Variants in COPG2 observed in about 807,000 individuals in gnomAD.
COPG2 encodes the protein coat protein complex I subunit gamma 2.
In COPG2, 37 loss-of-function variants were observed where a neutral mutation model predicts 46.3. The observed-to-expected ratio is 0.80, with a 90% CI of 0.61 to 1.05. The LOEUF is 1.05. Ranked by LOEUF, COPG2 falls within the 50% of genes least tolerant of loss-of-function variation. The probability of loss-of-function intolerance (pLI) is 0.00; values close to 1 mark genes in which losing one functional copy is unlikely to be tolerated. For synonymous variants in COPG2, 159 were observed against 129.7 expected, an observed-to-expected ratio of 1.23 and a Z score of -1.53; for missense variants, 427 against 387.8, an observed-to-expected ratio of 1.10 and a Z score of -0.85.
chr7:130,640,158 C>CTTTTTT (rs11431866), intron 5 of COPG2, among the ~76,000 whole-genome samples: 11 of 96,458 alleles, frequency 1.1e-4, no homozygotes, highest in East Asian at 3.6e-4. Flanking sequence ...CACCACCAAC[C>CTTTTTT]TTTTTTTTTT....
intron 8 of COPG2, among the ~76,000 whole-genome samples, chr7:130,611,522 T>A (rs1444366214): frequency 6.6e-6 from 1 of 152,184 alleles, no homozygotes; most frequent in Non-Finnish European, 1.5e-5. Flanking sequence ...AGTGTCATCA[T>A]CTTGACACTT....
At chr7:130,603,976 A>C (rs1584570776) in intron 9 of COPG2, 1 of 412,884 alleles carries the variant, frequency 2.4e-6, no homozygotes, top group East Asian at 7.2e-5. Flanking sequence ...CAATAAAGTA[A>C]GCTAGAGAAA....
chr7:130,520,217 T>C (rs1584962016), intron 20 of COPG2, among the ~76,000 whole-genome samples: 1 of 151,878 alleles, frequency 6.6e-6, no homozygotes, highest in South Asian at 2.1e-4. Flanking sequence ...TCAAAGGGAG[T>C]TACAAAAGGA....
intron 5 of COPG2, among the ~76,000 whole-genome samples, chr7:130,648,210 T>C (rs782593673): frequency 2.6e-5 from 4 of 152,136 alleles, no homozygotes; most frequent in Non-Finnish European, 5.9e-5. Flanking sequence ...TCTATAATAT[T>C]AGTTTTCTAT....
chr7:130,662,545 T>C (rs879991332), intron 4 of COPG2, among the ~76,000 whole-genome samples: 1 of 152,192 alleles, frequency 6.6e-6, no homozygotes, highest in Non-Finnish European at 1.5e-5. Context: ...TGTACTCATT[T>C]TTCTTTTTCC....
intron 20 of COPG2, chr7:130,510,130 G>A (rs782290919): frequency 1.9e-6 from 1 of 520,184 alleles, no homozygotes. Context: ...TTAGAGATAA[G>A]CTAGATAAGG....
intron 5 of COPG2, among the ~76,000 whole-genome samples, chr7:130,648,018 C>G (rs1563070626): frequency 6.6e-6 from 1 of 152,136 alleles, no homozygotes; most frequent in Non-Finnish European, 1.5e-5. Flanking sequence ...GCGTGAGCCA[C>G]CGTGCCCAGC....
At chr7:130,615,460 G>A (rs2116511552) in intron 6 of COPG2, among the ~76,000 whole-genome samples, 1 of 152,292 alleles carries the variant, frequency 6.6e-6, no homozygotes, top group East Asian at 1.9e-4. Flanking sequence ...AGATGCTAAA[G>A]GGGAAGTTTA....
rs190009925 is a variant in COPG2, at chr7:130,612,862, A to G, written c.493-624T>C. On this transcript the variant is annotated intron_variant, in intron 7 of 23. Coordinates refer to ENST00000425248, the MANE Select transcript of COPG2 (RefSeq NM_012133.6). ...AGGGCACCAGAAAAAGCAGAGGACA[A>G]AGAGACAAGTAGTAGAAGTCATAAA... Among the ~76,000 whole-genome samples, 256 of 152,286 alleles carry G rather than the reference A, an allele frequency of 1.7e-3. 2 individuals carry two copies. The highest frequency in any genetic ancestry group is 6.0e-3 in the African/African-American group (249 of 41,562).
chr7:130,506,486 A>AAAAG lies in COPG2; in HGVS notation c.*189_*190insCTTT, dbSNP rs1799486929. On this transcript the variant is annotated 3_prime_UTR_variant, in exon 24 of 24. Coordinates refer to ENST00000425248, the MANE Select transcript of COPG2 (RefSeq NM_012133.6). Reference sequence around the variant, plus strand: ...AAAGCTGACCAAGTAGAATAAAAAGAAAAAAAAAAAAAAACAACCCATGCG... The same window carrying AAAAG: ...AAAGCTGACCAAGTAGAATAAAAAGAAAAGAAAAAAAAAAAAAACAACCCATGCG... The AAAAG allele has an allele frequency of 1.7e-5, 1 of 59,214 alleles. No individual in the cohort carries two copies. Among genetic ancestry groups the AAAAG allele is most frequent in the South Asian group, 4.2e-4 (1 of 2,374 alleles). 3.7% of individuals were successfully genotyped at this position (59,214 alleles called of 1,614,324 possible). A position where few individuals can be genotyped will look rare whatever the true frequency, so the allele number is the denominator to read the frequency against.
intron 5 of COPG2, among the ~76,000 whole-genome samples, chr7:130,631,396 G>A (rs1449416004): frequency 3.3e-5 from 5 of 152,024 alleles, no homozygotes; most frequent in African/African-American, 1.2e-4. Context: ...GACCTCAGGC[G>A]ATCCACCTGC....
At chr7:130,642,650 G>A (rs375792813) in intron 5 of COPG2, among the ~76,000 whole-genome samples, 45 of 152,260 alleles carry the variant, frequency 3.0e-4, no homozygotes, top group African/African-American at 9.1e-4. Flanking sequence ...TCTTTGATGA[G>A]CATTTGGGAT....
intron 20 of COPG2, among the ~76,000 whole-genome samples, chr7:130,541,000 T>C (rs1468668760): frequency 6.6e-6 from 1 of 152,122 alleles, no homozygotes; most frequent in Admixed American, 6.5e-5. Flanking sequence ...CTTGGGGTCC[T>C]GCATTCTCGG....
Position 130,523,119 on chromosome 7 carries a change from C to CAAAAAAAAAAAAA in COPG2, c.2150-14473_2150-14461dup, listed in dbSNP as rs1308994776. ...GGGCGACAGAGTGAAACTCTTCTCT[C>CAAAAAAAAAAAAA]AAAAAAAAAAAAAAAGAAGGCTCCA... On this transcript the variant is annotated intron_variant, in intron 20 of 23. Transcript: ENST00000425248. Among the ~76,000 whole-genome samples the CAAAAAAAAAAAAA allele has an allele frequency of 2.8e-3, 160 of 56,452 alleles. 8 individuals carry two copies. Among genetic ancestry groups the CAAAAAAAAAAAAA allele is most frequent in the East Asian group, 4.7e-3 (8 of 1,702 alleles). 37.0% of individuals were successfully genotyped at this position (56,452 alleles called of 152,430 possible).
At chr7:130,528,975 G>T (rs1371912615) in intron 20 of COPG2, among the ~76,000 whole-genome samples, 1 of 152,140 alleles carries the variant, frequency 6.6e-6, no homozygotes, top group East Asian at 1.9e-4. Context: ...GATGGCAATA[G>T]ACAAGGAGGA....
chr7:130,649,915 A>G (rs931221237), intron 5 of COPG2, among the ~76,000 whole-genome samples: 3 of 152,212 alleles, frequency 2.0e-5, no homozygotes, highest in African/African-American at 7.2e-5. Context: ...CTTAGAGGAA[A>G]ATACAACATT....
At chr7:130,663,769 C>T (rs568167612) in intron 3 of COPG2, among the ~76,000 whole-genome samples, 12 of 120,208 alleles carry the variant, frequency 1.0e-4, no homozygotes, top group Middle Eastern at 0.014. Context: ...GACGGAGTCT[C>T]ACCCTGTTGC....
chr7:130,564,654 G>A (rs1215739348), intron 9 of COPG2: 1 of 295,928 alleles, frequency 3.4e-6, no homozygotes. Context: ...TAGTAAAAAT[G>A]GTGAAGTTTC....
At chr7:130,608,125 A>AT (rs1198030541) in intron 9 of COPG2, 10 of 379,300 alleles carry the variant, frequency 2.6e-5, no homozygotes, top group East Asian at 7.6e-5. Flanking sequence ...TTTTACAAAG[A>AT]TTTTTTTGTT....
Sources: gnomAD v4.1 joint callset for allele counts (sites outside exome capture counted in the v4.1 genomes callset) on GRCh38, gnomAD v4.1.1 for gene constraint, MANE v1.5 for transcripts, NCBI Gene and HGNC (gene_info 2026-07-23, HGNC 2026-07-21) for gene names.